RMDN2: variants seen among roughly 807,000 people sequenced by gnomAD.
RMDN2 encodes regulator of microtubule dynamics 2, also known as regulator of microtubule dynamics protein 2.
RMDN2 carries 61 observed loss-of-function variants against 52.8 expected under a neutral mutation model. The observed-to-expected ratio is 1.16, with a 90% CI of 0.94 to 1.43. The LOEUF is 1.43. Among genes scored for constraint, RMDN2 ranks in the 40% most tolerant of loss-of-function variants. The probability of loss-of-function intolerance (pLI) is 0.00; values close to 1 mark genes in which losing one functional copy is unlikely to be tolerated. For missense variants in RMDN2, 592 were observed against 475.3 expected, an observed-to-expected ratio of 1.25 and a Z score of -2.28; for synonymous variants, 180 against 153.1, an observed-to-expected ratio of 1.18 and a Z score of -1.30.
chr2:37,967,370 A>G (rs568682804), intron 2 of RMDN2, among the ~76,000 whole-genome samples: 11 of 152,242 alleles, frequency 7.2e-5, no homozygotes, highest in Admixed American at 2.0e-4. Flanking sequence ...ATCTTGAAGC[A>G]TTTCTTTAAG....
intron 2 of RMDN2, among the ~76,000 whole-genome samples, chr2:37,942,164 C>T (rs1025031515): frequency 3.3e-5 from 5 of 152,086 alleles, no homozygotes; most frequent in Admixed American, 1.3e-4. Flanking sequence ...GGGAGTTCTC[C>T]GACCCCTTGC....
intron 10 of RMDN2, among the ~76,000 whole-genome samples, chr2:38,014,210 C>CG (rs1190961251): frequency 6.6e-6 from 1 of 150,778 alleles, no homozygotes; most frequent in Non-Finnish European, 1.5e-5. Flanking sequence ...GAAACTCCGT[C>CG]GCAAAAAAAA....
Sources: gnomAD v4.1 joint callset for allele counts (sites outside exome capture counted in the v4.1 genomes callset) on GRCh38, gnomAD v4.1.1 for gene constraint, MANE v1.5 for transcripts, NCBI Gene and HGNC (gene_info 2026-07-23, HGNC 2026-07-21) for gene names.